Variants in RHOG observed in about 807,000 individuals in gnomAD.
The protein encoded by RHOG is ras homolog family member G, also known as rho-related GTP-binding protein RhoG.
RHOG carries 1 observed loss-of-function variant against 12.3 expected under a neutral mutation model. That is an observed-to-expected ratio of 0.08 (90% CI 0.03 to 0.39). The LOEUF (loss-of-function observed/expected upper bound fraction) is 0.39. RHOG is among the 10% of genes least tolerant of loss of function. RHOG has a pLI of 0.99. For synonymous variants in RHOG, 129 were observed against 116.0 expected (o/e 1.11, Z -0.72); for missense variants, 114 against 266.2 (o/e 0.43, Z 3.98).
intron 1 of RHOG, among the ~76,000 whole-genome samples, chr11:3,829,641 T>A (rs567594776): frequency 6.6e-6 from 1 of 152,276 alleles, no homozygotes; most frequent in East Asian, 1.9e-4. Flanking sequence ...GAGATTCAGT[T>A]GGACCTGGGA....
chr11:3,832,896 G>A (rs1448001377), intron 1 of RHOG, among the ~76,000 whole-genome samples: 1 of 152,068 alleles, frequency 6.6e-6, no homozygotes, highest in Non-Finnish European at 1.5e-5. Context: ...TTTTTCAAAA[G>A]AATCATTAAG....
intron 1 of RHOG, among the ~76,000 whole-genome samples, chr11:3,837,645 C>T (rs1013186056): frequency 2.0e-5 from 3 of 152,152 alleles, no homozygotes; most frequent in Admixed American, 6.5e-5. Flanking sequence ...GACAAGGATC[C>T]GGATCTTCTA....
Position 3,827,728 on chromosome 11 carries a change from G to C in RHOG, c.411C>G (p.Ile137Met). 1 of 1,614,074 alleles carries C rather than the reference G, an allele frequency of 6.2e-7. No homozygotes were observed. The highest frequency in any genetic ancestry group is 8.5e-7 in the Non-Finnish European group (1 of 1,180,020). ...CCAGTGCCTGGCCCTGCTGCGGTGTGATGGGCGCCTGGCCCTGCTCCTTGA... is the reference window on the plus strand; with the variant it reads ...CCAGTGCCTGGCCCTGCTGCGGTGTCATGGGCGCCTGGCCCTGCTCCTTGA... ...RRLKEQGQAP[I>M]TPQQGQALAK... The change falls in exon 2 of 2, where the codon ATC (isoleucine) becomes ATG (methionine). Residue 137 changes from isoleucine (I) to methionine (M), a missense_variant. Physicochemically the swap from Ile to Met is conservative, Grantham distance 10. Transcript: ENST00000351018. The surrounding 1 kb of genome is among the most constrained non-coding windows in gnomAD (Gnocchi z 7.3).
At position 3,828,176 on chromosome 11, in the gene RHOG, C is replaced by T. The variant is rs1018137274; in HGVS notation, c.-38G>A. On this transcript the variant is annotated 5_prime_UTR_variant, in exon 2 of 2. Coordinates refer to ENST00000351018, the MANE Select transcript of RHOG (RefSeq NM_001665.4). Reference sequence around the variant, plus strand: ...TGCTGTAGTGGAGGCAGTGCCTCCTCTCTCTTCTGGACCCCTCTGGCTGCA... The same window carrying T: ...TGCTGTAGTGGAGGCAGTGCCTCCTTTCTCTTCTGGACCCCTCTGGCTGCA... 1 of 1,572,800 alleles carries T rather than the reference C, an allele frequency of 6.4e-7. No individual in the cohort carries two copies. Among genetic ancestry groups the T allele is most frequent in the African/African-American group, 1.3e-5 (1 of 74,218 alleles).
rs768185722 is a variant in RHOG, at chr11:3,828,178, CTCTT to C, written c.-44_-41del. On this transcript the variant is annotated 5_prime_UTR_variant, in exon 2 of 2. Transcript: ENST00000351018. ...CTGTAGTGGAGGCAGTGCCTCCTCT[CTCTT>C]CTGGACCCCTCTGGCTGCAGTGACC... 2.0e-5 allele frequency: 31 copies of C among 1,545,088 alleles called. No homozygotes were observed. In the East Asian group the frequency reaches 5.5e-4, roughly 28 times the overall value.
rs2090086283 is a variant in RHOG at position 3,827,446 on chromosome 11, G to T, written c.*117C>A. The T allele has an allele frequency of 2.5e-6, 2 of 799,544 alleles. No individual in the cohort carries two copies. Among genetic ancestry groups the T allele is most frequent in the South Asian group, 1.8e-5 (1 of 56,710 alleles). The allele number at this position is 799,544 out of a possible 1,614,324, so 49.5% of individuals were successfully genotyped here. A position where few individuals can be genotyped will look rare whatever the true frequency, so the allele number is the denominator to read the frequency against. On this transcript the variant is annotated 3_prime_UTR_variant, in exon 2 of 2. Transcript: ENST00000351018. The surrounding 1 kb of genome is among the most constrained non-coding windows in gnomAD (Gnocchi z 7.3). ...GCACTCAGAGAAAAAGGCATTCAGGGAACCCCCTGGAAAGGGGTGCCAGAA... is the reference window on the plus strand; with the variant it reads ...GCACTCAGAGAAAAAGGCATTCAGGTAACCCCCTGGAAAGGGGTGCCAGAA...
intron 1 of RHOG, among the ~76,000 whole-genome samples, chr11:3,831,742 G>T (rs1006279959): frequency 6.6e-6 from 1 of 152,178 alleles, no homozygotes; most frequent in Non-Finnish European, 1.5e-5. Flanking sequence ...TGTGCCCAGC[G>T]GATTACGTGG....
At chr11:3,829,018 C>T (rs1038033742) in intron 1 of RHOG, among the ~76,000 whole-genome samples, 8 of 151,850 alleles carry the variant, frequency 5.3e-5, no homozygotes, top group South Asian at 2.1e-4. Context: ...GGACCCTTTC[C>T]ACCAGGAGAC....
chr11:3,839,031 G>T (rs1206728700), intron 1 of RHOG, among the ~76,000 whole-genome samples: 1 of 152,154 alleles, frequency 6.6e-6, no homozygotes, highest in African/African-American at 2.4e-5. Context: ...GCCCCAGAAG[G>T]TAGCAGGAAA....
intron 1 of RHOG, among the ~76,000 whole-genome samples, chr11:3,831,423 T>C (rs2090127992): frequency 6.6e-6 from 1 of 151,950 alleles, no homozygotes; most frequent in Non-Finnish European, 1.5e-5. Flanking sequence ...AGTGTGTGTG[T>C]GTGTTTGTGC....
In RHOG at chr11:3,836,422, C is replaced by G. The variant is rs549750479; in HGVS notation, c.-69+4472G>C. Reference sequence around the variant, plus strand: ...GACTCTCCACCTCTTGTCATTCATCCTTCAGCCTTTGGAGAGGATCCTACA... The same window carrying G: ...GACTCTCCACCTCTTGTCATTCATCGTTCAGCCTTTGGAGAGGATCCTACA... On this transcript the variant is annotated intron_variant, in intron 1 of 1. Transcript: ENST00000351018. Among the ~76,000 whole-genome samples the G allele has an allele frequency of 2.0e-5, 3 of 151,470 alleles. No homozygotes were observed. In the East Asian group the frequency reaches 5.9e-4, roughly 30 times the overall value.
At chr11:3,840,283 G>C (rs1217033033) in intron 1 of RHOG, among the ~76,000 whole-genome samples, 1 of 152,198 alleles carries the variant, frequency 6.6e-6, no homozygotes, top group Middle Eastern at 3.4e-3. Context: ...AGGTAAGGTC[G>C]GGACTCAGGA....
rs1408330526 is a variant in RHOG, at chr11:3,827,217, C to T, written c.*346G>A. On this transcript the variant is annotated 3_prime_UTR_variant, in exon 2 of 2. Transcript: ENST00000351018. The surrounding 1 kb of genome is among the most constrained non-coding windows in gnomAD (Gnocchi z 7.3). ...ATGGCTGAGAGCCCCTAACCTGAGG[C>T]GGCACCACAATAGGCAGCAACAACT... 5 of 290,534 alleles carry T rather than the reference C, an allele frequency of 1.7e-5. No homozygotes were observed. The highest frequency in any genetic ancestry group is 1.4e-4 in the East Asian group (2 of 14,626). 18.0% of individuals were successfully genotyped at this position (290,534 alleles called of 1,614,324 possible). A position where few individuals can be genotyped will look rare whatever the true frequency, so the allele number is the denominator to read the frequency against.
chr11:3,830,175 T>C (rs1475505294), intron 1 of RHOG, among the ~76,000 whole-genome samples: 1 of 152,182 alleles, frequency 6.6e-6, no homozygotes. Context: ...TTTAGAGACT[T>C]CCAGACTCTT....
intron 1 of RHOG, among the ~76,000 whole-genome samples, chr11:3,836,179 C>T (rs545172158): frequency 2.0e-4 from 30 of 151,576 alleles, no homozygotes; most frequent in African/African-American, 6.8e-4. Context: ...ATGGTGAAAC[C>T]CCGTCTCTAC....
chr11:3,838,516 G>A (rs1253268789), intron 1 of RHOG, among the ~76,000 whole-genome samples: 2 of 151,778 alleles, frequency 1.3e-5, no homozygotes, highest in Non-Finnish European at 2.9e-5. Context: ...TCTCTAACCT[G>A]GGCTCTTATG....
rs1160198098 is a variant in RHOG, at chr11:3,827,470, A to C, written c.*93T>G. The stretch of plus-strand genomic sequence containing the variant: ...GGAACCCCCTGGAAAGGGGTGCCAG[A>C]ATTAGTCCTTAAGGCACAGCTGAGG... On this transcript the variant is annotated 3_prime_UTR_variant, in exon 2 of 2. Coordinates refer to ENST00000351018, the MANE Select transcript of RHOG (RefSeq NM_001665.4). The surrounding 1 kb of genome is among the most constrained non-coding windows in gnomAD (Gnocchi z 7.3). 9.6e-7 allele frequency: 1 copy of C among 1,046,904 alleles called. No individual in the cohort carries two copies. The highest frequency in any genetic ancestry group is 1.6e-5 in the African/African-American group (1 of 63,296). 64.9% of individuals were successfully genotyped at this position (1,046,904 alleles called of 1,614,324 possible). A position where few individuals can be genotyped will look rare whatever the true frequency, so the allele number is the denominator to read the frequency against.
chr11:3,828,818 C>T (rs2090106790), intron 1 of RHOG, among the ~76,000 whole-genome samples: 1 of 151,588 alleles, frequency 6.6e-6, no homozygotes, highest in African/African-American at 2.4e-5. Flanking sequence ...GATGGGGTTT[C>T]ACCGTGTTGG....
chr11:3,836,357 C>CA (rs61427960), intron 1 of RHOG, among the ~76,000 whole-genome samples: 3,525 of 119,490 alleles, frequency 0.03, 106 homozygotes, highest in African/African-American at 0.058. Context: ...ACTCCATCTC[C>CA]AAAAAAAAAA....
Sources: allele counts gnomAD v4.1 joint callset (sites outside exome capture counted in the v4.1 genomes callset), GRCh38; gene constraint gnomAD v4.1.1; non-coding constraint Gnocchi (gnomAD v3.1); transcripts MANE v1.5; gene names NCBI Gene and HGNC (gene_info 2026-07-23, HGNC 2026-07-21).